VPS13B: variants seen among roughly 807,000 people sequenced by gnomAD.
VPS13B encodes the protein intermembrane lipid transfer protein VPS13B.
VPS13B carries 285 observed loss-of-function variants against 426.4 expected under a neutral mutation model. That is an observed-to-expected ratio of 0.67 (90% confidence interval 0.61 to 0.74). VPS13B has a LOEUF of 0.74. Ranked by LOEUF, VPS13B falls within the 30% of genes least tolerant of loss-of-function variation. The probability of loss-of-function intolerance (pLI) is 0.00; values close to 1 mark genes in which losing one functional copy is unlikely to be tolerated. For missense variants in VPS13B, 4,537 were observed against 4,782.6 expected (o/e 0.95, Z 1.51); for synonymous variants, 1,676 against 1,676.4 (o/e 1.00, Z 0.01).
intron 4 of VPS13B, among the ~76,000 whole-genome samples, chr8:99,096,737 C>G (rs1311297149): frequency 3.0e-5 from 4 of 131,758 alleles, no homozygotes; most frequent in Non-Finnish European, 6.3e-5. Flanking sequence ...GCCTGGGTGA[C>G]AGAGTGATAC....
chr8:99,140,703 C>T (rs986390284), intron 12 of VPS13B, among the ~76,000 whole-genome samples: 178 of 147,768 alleles, frequency 1.2e-3, no homozygotes, highest in Non-Finnish European at 1.4e-3. Flanking sequence ...TCCTCCTCCT[C>T]CTTCTCCTTC....
At chr8:99,455,769 G>T (rs1281502758) in intron 23 of VPS13B, among the ~76,000 whole-genome samples, 3 of 151,970 alleles carry the variant, frequency 2.0e-5, no homozygotes, top group Admixed American at 2.0e-4. Context: ...GTAACATTTT[G>T]GTGTTCTTCC....
chr8:99,832,278 A>C, intron 51 of VPS13B, 91 bp from the exon 52 acceptor site: 1 of 1,424,478 alleles, frequency 7.0e-7, no homozygotes, highest in Non-Finnish European at 9.2e-7. Context: ...AAAAGAAAAG[A>C]AAAGAAGATA....
chr8:99,021,845 T>A (rs1259024169), intron 2 of VPS13B, among the ~76,000 whole-genome samples: 1 of 152,108 alleles, frequency 6.6e-6, no homozygotes, highest in Non-Finnish European at 1.5e-5. Context: ...ACTCCTGGGC[T>A]CAAATGATCT....
At chr8:99,716,390 A>G (rs192046394) in intron 36 of VPS13B, among the ~76,000 whole-genome samples, 56 of 152,284 alleles carry the variant, frequency 3.7e-4, no homozygotes, top group African/African-American at 7.7e-4. Context: ...GTGAAATTCA[A>G]TATTCACTAT....
At chr8:99,543,048 C>G (rs1823718760) in intron 30 of VPS13B, among the ~76,000 whole-genome samples, 1 of 152,152 alleles carries the variant, frequency 6.6e-6, no homozygotes, top group African/African-American at 2.4e-5. Context: ...ATCACACTAC[C>G]TGACTTCAAA....
intron 3 of VPS13B, among the ~76,000 whole-genome samples, chr8:99,041,438 G>A (rs1355536941): frequency 3.9e-5 from 6 of 152,134 alleles, no homozygotes; most frequent in Admixed American, 3.9e-4. Flanking sequence ...ATTTAACTAT[G>A]TGCTCCTCTC....
intron 19 of VPS13B, among the ~76,000 whole-genome samples, chr8:99,349,347 A>AAAG (rs1554746343): frequency 6.7e-6 from 1 of 149,542 alleles, no homozygotes; most frequent in Non-Finnish European, 1.5e-5. Flanking sequence ...AAAAAAAAAA[A>AAAG]AAAAAAAAGA....
At chr8:99,364,081 A>G (rs1487691824) in intron 19 of VPS13B, among the ~76,000 whole-genome samples, 1 of 152,180 alleles carries the variant, frequency 6.6e-6, no homozygotes, top group African/African-American at 2.4e-5. Flanking sequence ...CCCATTCAGT[A>G]TGATACTAGC....
chr8:99,421,211 A>G (rs753078920), intron 21 of VPS13B, among the ~76,000 whole-genome samples: 2 of 152,182 alleles, frequency 1.3e-5, no homozygotes, highest in African/African-American at 2.4e-5. Flanking sequence ...TGAATGGTTC[A>G]TCCCCAAGAT....
chr8:99,411,394 C>G (rs1357502908), intron 21 of VPS13B, among the ~76,000 whole-genome samples: 1 of 152,172 alleles, frequency 6.6e-6, no homozygotes, highest in African/African-American at 2.4e-5. Flanking sequence ...CCTTTGCCCA[C>G]TTTTTGATGG....
intron 19 of VPS13B, among the ~76,000 whole-genome samples, chr8:99,329,865 A>G (rs959848156): frequency 1.3e-5 from 2 of 152,050 alleles, no homozygotes; most frequent in African/African-American, 4.8e-5. Context: ...TATTTTGACA[A>G]TGGCGTGAAG....
chr8:99,191,132 C>T (rs1813550686), intron 16 of VPS13B, among the ~76,000 whole-genome samples: 1 of 151,900 alleles, frequency 6.6e-6, no homozygotes, highest in Admixed American at 6.6e-5. Context: ...TTCTGTTCTG[C>T]ATGATTTCTG....
rs554106573 is a variant in VPS13B at position 99,820,953 on chromosome 8, A to C, written c.8995-341A>C. On this transcript the variant is annotated intron_variant, in intron 49 of 61. Coordinates refer to ENST00000357162, the MANE Select transcript of VPS13B (RefSeq NM_152564.5). ...TATTATTCTCTTGTCAAATGAGATG[A>C]AACCTTCAGTTTTTAAAGCCTTTGG... 1.6e-4 allele frequency among the ~76,000 whole-genome samples: 24 copies of C among 152,176 alleles called. 1 individual carries two copies. The highest frequency in any genetic ancestry group is 5.5e-4 in the African/African-American group (23 of 41,546).
intron 17 of VPS13B, among the ~76,000 whole-genome samples, chr8:99,245,620 G>A (rs181452278): frequency 1.2e-3 from 188 of 152,264 alleles, no homozygotes; most frequent in Non-Finnish European, 2.2e-3. Flanking sequence ...GAGTACAGTG[G>A]TGCGATCTTG....
intron 61 of VPS13B, 77 bp downstream of exon 61, chr8:99,871,774 G>T: frequency 6.2e-7 from 1 of 1,605,380 alleles, no homozygotes; most frequent in South Asian, 1.1e-5. Context: ...TGGTACCTAG[G>T]CATTTCTGAG....
intron 12 of VPS13B, among the ~76,000 whole-genome samples, chr8:99,140,687 C>CCCT (rs60620310): frequency 0.27 from 37,571 of 140,344 alleles, 5,998 homozygotes; most frequent in East Asian, 0.42. Flanking sequence ...CCCTTCCTCA[C>CCCT]CCTCCTCCTC....
At chr8:99,173,345 A>G (rs1353824096) in intron 16 of VPS13B, among the ~76,000 whole-genome samples, 1 of 152,122 alleles carries the variant, frequency 6.6e-6, no homozygotes, top group Non-Finnish European at 1.5e-5. Context: ...CCCAGCTCAG[A>G]GTGACACCAG....
At chr8:99,585,184 A>G (rs1826244788) in intron 33 of VPS13B, among the ~76,000 whole-genome samples, 1 of 152,194 alleles carries the variant, frequency 6.6e-6, no homozygotes, top group South Asian at 2.1e-4. Context: ...AAAAAAATTA[A>G]TCTTTCTAGA....
Sources: allele counts gnomAD v4.1 joint callset (sites outside exome capture counted in the v4.1 genomes callset), GRCh38; gene constraint gnomAD v4.1.1; transcripts MANE v1.5; gene names NCBI Gene and HGNC (gene_info 2026-07-23, HGNC 2026-07-21).